Variants in ZBBX observed in about 807,000 individuals in gnomAD.
ZBBX encodes zinc finger B-box domain-containing protein 1.
ZBBX carries 101 observed loss-of-function variants against 108.5 expected under a neutral mutation model. The ratio of observed to expected loss-of-function variants is 0.93; its 90% CI spans 0.79 to 1.10. The LOEUF (loss-of-function observed/expected upper bound fraction) is 1.10. Ranked by LOEUF, ZBBX falls within the 50% of genes least tolerant of loss-of-function variation. The probability of loss-of-function intolerance (pLI) is 0.00; values close to 1 mark genes in which losing one functional copy is unlikely to be tolerated. For missense variants in ZBBX, 1,009 were observed against 941.4 expected (o/e 1.07, Z -0.94); for synonymous variants, 356 against 323.4 (o/e 1.10, Z -1.08).
Position 167,240,937 on chromosome 3 carries a change from G to C in ZBBX, c.2394-18C>G, listed in dbSNP as rs372689814. The C allele has an allele frequency of 3.1e-6, 5 of 1,610,974 alleles. No individual in the cohort carries two copies. Among genetic ancestry groups the C allele is most frequent in the Admixed American group, 3.3e-5 (2 of 59,896 alleles). On this transcript the variant is annotated intron_variant, in intron 21 of 21. Transcript: ENST00000675490. ...CAGAACAGCTGAAAATACATAACAA[G>C]ATCAATACACAATATACAGAACCGG...
At chr3:167,376,206 G>A (rs554581770) in intron 2 of ZBBX, among the ~76,000 whole-genome samples, 1 of 152,216 alleles carries the variant, frequency 6.6e-6, no homozygotes, top group East Asian at 1.9e-4. Flanking sequence ...TTGGGAGGGA[G>A]GTGGTAGCAT....
At chr3:167,291,945 C>T (rs1335776586) in intron 18 of ZBBX, among the ~76,000 whole-genome samples, 1 of 152,060 alleles carries the variant, frequency 6.6e-6, no homozygotes, top group African/African-American at 2.4e-5. Context: ...CAACAAAGAT[C>T]AAAAGAGACG....
intron 20 of ZBBX, among the ~76,000 whole-genome samples, chr3:167,261,257 G>T (rs1724462063): frequency 6.6e-6 from 1 of 151,976 alleles, no homozygotes; most frequent in African/African-American, 2.4e-5. Context: ...TGGACTCTGT[G>T]AGGTTCTTAG....
intron 1 of ZBBX, among the ~76,000 whole-genome samples, chr3:167,401,631 G>A (rs914186184): frequency 1.3e-5 from 2 of 152,178 alleles, no homozygotes; most frequent in African/African-American, 2.4e-5. Flanking sequence ...ACTGGTGGGA[G>A]TGTAGCAGTG....
chr3:167,250,793 G>T lies in ZBBX; in HGVS notation c.2255-8150C>A, dbSNP rs1722457347. Among the ~76,000 whole-genome samples the T allele has an allele frequency of 2.0e-5, 3 of 152,190 alleles. No individual in the cohort carries two copies. In the South Asian group the frequency reaches 6.2e-4, roughly 32 times the overall value. The stretch of plus-strand genomic sequence containing the variant: ...GGAAGTGCTGAGTAGAGAAAGGCAG[G>T]TCCCTGGCTAGGGCTCCACTCCCTT... On this transcript the variant is annotated intron_variant, in intron 20 of 21. Transcript: ENST00000675490.
chr3:167,212,041 C>G, the ZBBX span, among the ~76,000 whole-genome samples: 1 of 152,138 alleles, frequency 6.6e-6, no homozygotes, highest in East Asian at 1.9e-4. Flanking sequence ...GTGGGATCTA[C>G]AAACCAGGGT....
chr3:167,273,337 C>T (rs1726878067), intron 20 of ZBBX, among the ~76,000 whole-genome samples: 1 of 152,192 alleles, frequency 6.6e-6, no homozygotes. Context: ...AGATCATCCC[C>T]TTTCCACTCA....
Position 167,315,828 on chromosome 3 carries a change from G to C in ZBBX, c.1196C>G (p.Thr399Ser). 1 of 1,581,150 alleles carries C rather than the reference G, an allele frequency of 6.3e-7. No individual in the cohort carries two copies. The highest frequency in any genetic ancestry group is 8.6e-7 in the Non-Finnish European group (1 of 1,156,872). The change falls in exon 15 of 22, where the codon ACT becomes AGT. Residue 399 changes from threonine (T) to serine (S), a missense_variant and splice_region_variant. Transcript: ENST00000675490. ...TGCTTCTTCAAATTCCTCTTCATAA[G>C]TCTTATTAAATTAATGTTATATAAT... ...PSLKIVELDD[T>S]YEEEFEEAEN...
chr3:167,207,835 C>T, the ZBBX span, among the ~76,000 whole-genome samples: 1 of 152,152 alleles, frequency 6.6e-6, no homozygotes, highest in Non-Finnish European at 1.5e-5. Flanking sequence ...CATCAAAAAG[C>T]ATGTTCATAA....
At chr3:167,324,361 TCTTAACCTCCTGGC>T (rs1239331077) in intron 11 of ZBBX, among the ~76,000 whole-genome samples, 1 of 152,010 alleles carries the variant, frequency 6.6e-6, no homozygotes, top group Non-Finnish European at 1.5e-5. Context: ...CCCAGGTTGG[TCTTAACCTCCTGGC>T]CTCCTAAAGT....
rs761779721 is a variant in ZBBX at position 167,328,019 on chromosome 3, A to G, written c.785T>C (p.Phe262Ser). The G allele has an allele frequency of 3.7e-6, 6 of 1,613,658 alleles. No individual in the cohort carries two copies. The South Asian group carries it at 4.4e-5, about 12-fold the overall frequency. Residue 262 changes from phenylalanine (F) to serine (S), a missense_variant, in exon 11 of 22, where the codon TTT becomes TCT. Physicochemically the swap from Phe to Ser is radical, Grantham distance 155 (BLOSUM62 -2). Coordinates refer to ENST00000675490, the MANE Select transcript of ZBBX (RefSeq NM_001199201.2). ...SFDEEASAQS[F>S]QEVLSQWRTG... ...TCTCCATTGACTTAACACTTCCTGAAAGGACTGTGCAGAAGCTTCTTCATC... is the reference window on the plus strand; with the variant it reads ...TCTCCATTGACTTAACACTTCCTGAGAGGACTGTGCAGAAGCTTCTTCATC...
intron 1 of ZBBX, among the ~76,000 whole-genome samples, chr3:167,390,468 T>C (rs1748053265): frequency 6.6e-6 from 1 of 152,074 alleles, no homozygotes; most frequent in Non-Finnish European, 1.5e-5. Context: ...CTATACGGGC[T>C]CTTTTTTGGT....
chr3:167,369,422 CA>C (rs1238156146), intron 4 of ZBBX, among the ~76,000 whole-genome samples: 1 of 152,078 alleles, frequency 6.6e-6, no homozygotes, highest in Non-Finnish European at 1.5e-5. Context: ...AAGCAATTAC[CA>C]AAAAGCAAGC....
chr3:167,354,247 A>G (rs1450163110), intron 8 of ZBBX, among the ~76,000 whole-genome samples: 1 of 151,950 alleles, frequency 6.6e-6, no homozygotes, highest in African/African-American at 2.4e-5. Context: ...GGAAAATATC[A>G]GAATTCGAAC....
At chr3:167,250,524 T>C (rs1255941289) in intron 20 of ZBBX, among the ~76,000 whole-genome samples, 1 of 107,610 alleles carries the variant, frequency 9.3e-6, no homozygotes, top group Admixed American at 1.1e-4. Flanking sequence ...ATACTTAACC[T>C]TATAAAACTT....
the ZBBX span, among the ~76,000 whole-genome samples, chr3:167,223,023 C>A: frequency 6.6e-6 from 1 of 151,938 alleles, no homozygotes; most frequent in Admixed American, 6.6e-5. Flanking sequence ...ACACTCTATG[C>A]ATGTCACGTA....
At chr3:167,226,122 C>T in the ZBBX span, among the ~76,000 whole-genome samples, 1 of 150,512 alleles carries the variant, frequency 6.6e-6, no homozygotes, top group African/African-American at 2.4e-5. Flanking sequence ...AGAAATCAAG[C>T]CTTGTTAGAT....
At chr3:167,314,636 T>C (rs1207938102) in intron 15 of ZBBX, among the ~76,000 whole-genome samples, 2 of 152,216 alleles carry the variant, frequency 1.3e-5, no homozygotes, top group African/African-American at 4.8e-5. Context: ...CTGATATTTA[T>C]ATAAGCTCTA....
chr3:167,232,510 G>A, the ZBBX span, among the ~76,000 whole-genome samples: 1 of 151,712 alleles, frequency 6.6e-6, no homozygotes, highest in African/African-American at 2.4e-5. Context: ...CATTTCAAGA[G>A]CCAATAAAGG....
Sources: gnomAD v4.1 joint callset for allele counts (sites outside exome capture counted in the v4.1 genomes callset) on GRCh38, gnomAD v4.1.1 for gene constraint, MANE v1.5 for transcripts, NCBI Gene and HGNC (gene_info 2026-07-23, HGNC 2026-07-21) for gene names.